Variants in CLEC9A observed in about 807,000 individuals in gnomAD.
CLEC9A encodes the protein C-type lectin domain containing 9A.
In CLEC9A, 24 loss-of-function variants were observed where a neutral mutation model predicts 30.0. That is an observed-to-expected ratio of 0.80 (90% CI 0.58 to 1.13). The LOEUF (loss-of-function observed/expected upper bound fraction) is 1.13. Among genes scored for constraint, CLEC9A ranks in the 50% most tolerant of loss-of-function variants. CLEC9A has a pLI of 0.00. For missense variants in CLEC9A, 251 were observed against 280.9 expected, an observed-to-expected ratio of 0.89 and a Z score of 0.76; for synonymous variants, 111 against 96.8, an observed-to-expected ratio of 1.15 and a Z score of -0.86.
At chr12:10,044,223 A>G (rs1865825740) in intron 2 of CLEC9A, among the ~76,000 whole-genome samples, 1 of 152,168 alleles carries the variant, frequency 6.6e-6, no homozygotes, top group Non-Finnish European at 1.5e-5. Context: ...GTCACTTCCT[A>G]TGTGGTTTTC....
intron 2 of CLEC9A, among the ~76,000 whole-genome samples, chr12:10,045,985 C>T (rs947750696): frequency 6.6e-6 from 1 of 152,028 alleles, no homozygotes. Context: ...GGCAAAATAT[C>T]GAAGCTTAAA....
rs1866022544 is a variant in CLEC9A at position 10,064,203 on chromosome 12, A to C, written c.472-529A>C. On this transcript the variant is annotated intron_variant, in intron 7 of 8. Coordinates refer to ENST00000355819, the MANE Select transcript of CLEC9A (RefSeq NM_207345.4). ...CATGAGAAAATAATTTGTTAAGGAT[A>C]TGCAGTAAACCAAGAACATTTGAAG... is the stretch of plus-strand genomic sequence containing the variant. Among the ~76,000 whole-genome samples the C allele has an allele frequency of 2.6e-5, 4 of 152,206 alleles. No homozygotes were observed. In the South Asian group the frequency reaches 8.3e-4, roughly 31 times the overall value.
At chr12:10,064,557 C>G (rs1321106831) in intron 7 of CLEC9A, among the ~76,000 whole-genome samples, 175 bp from the exon 8 acceptor site, 1 of 152,104 alleles carries the variant, frequency 6.6e-6, no homozygotes, top group Non-Finnish European at 1.5e-5. Context: ...ATCCATACAG[C>G]AATCGAAAAT....
At chr12:10,042,046 G>A (rs1240462626) in intron 2 of CLEC9A, among the ~76,000 whole-genome samples, 1 of 152,158 alleles carries the variant, frequency 6.6e-6, no homozygotes, top group Non-Finnish European at 1.5e-5. Flanking sequence ...TAAAATCTCA[G>A]CTCTATTACA....
intron 6 of CLEC9A, among the ~76,000 whole-genome samples, chr12:10,061,849 T>G (rs1866001701): frequency 6.6e-6 from 1 of 152,258 alleles, no homozygotes; most frequent in Non-Finnish European, 1.5e-5. Flanking sequence ...CCATGTATTC[T>G]ATGCTTGGCA....
At chr12:10,054,140 C>A in intron 4 of CLEC9A, 131 bp from the exon 5 acceptor site, 1 of 726,434 alleles carries the variant, frequency 1.4e-6, no homozygotes, top group Non-Finnish European at 2.4e-6. Flanking sequence ...TTTACACATC[C>A]CAGGCCCCAA....
intron 2 of CLEC9A, among the ~76,000 whole-genome samples, chr12:10,051,585 T>G (rs1282455934): frequency 6.6e-6 from 1 of 152,198 alleles, no homozygotes; most frequent in Non-Finnish European, 1.5e-5. Context: ...TTTGTTTCCT[T>G]CTGGGGGCCT....
chr12:10,048,239 CA>C (rs34010283), intron 2 of CLEC9A, among the ~76,000 whole-genome samples: 132 of 130,666 alleles, frequency 1.0e-3, no homozygotes, highest in Admixed American at 1.1e-3. Flanking sequence ...GACTCCGTCT[CA>C]AAAAAAAAAA....
chr12:10,044,534 A>G (rs1434959171), intron 2 of CLEC9A, among the ~76,000 whole-genome samples: 1 of 152,054 alleles, frequency 6.6e-6, no homozygotes, highest in Non-Finnish European at 1.5e-5. Context: ...TTTTATCTCA[A>G]GACTTTTGCA....
chr12:10,043,360 A>G (rs1865814165), intron 2 of CLEC9A: 2 of 188,376 alleles, frequency 1.1e-5, no homozygotes, highest in South Asian at 8.6e-5. Flanking sequence ...AATACTAGAA[A>G]CTTATTCTTG....
chr12:10,064,691 G>T, intron 7 of CLEC9A, 41 bp from the exon 8 acceptor site: 3 of 1,561,866 alleles, frequency 1.9e-6, no homozygotes, highest in Admixed American at 2.0e-5. Context: ...AGTTTTGTTT[G>T]TTTGTTTTTC....
chr12:10,051,959 G>A (rs1865896338), intron 2 of CLEC9A, 32 bp from the exon 3 acceptor site: 8 of 152,224 alleles, frequency 5.3e-5, no homozygotes, highest in Admixed American at 5.2e-4. Flanking sequence ...AAGAGCAGGT[G>A]TGGATTCATC....
intron 1 of CLEC9A, among the ~76,000 whole-genome samples, chr12:10,036,870 T>A (rs985601074): frequency 6.6e-6 from 1 of 152,216 alleles, no homozygotes; most frequent in Non-Finnish European, 1.5e-5. Context: ...AAAATCAGGA[T>A]GATAATGCCC....
intron 1 of CLEC9A, among the ~76,000 whole-genome samples, chr12:10,033,646 A>C (rs1865719371): frequency 6.6e-6 from 1 of 152,224 alleles, no homozygotes; most frequent in Non-Finnish European, 1.5e-5. Context: ...AATATTGTTC[A>C]CCTTGGAAAA....
intron 4 of CLEC9A, 81 bp from the exon 5 acceptor site, chr12:10,054,190 A>T: frequency 9.2e-7 from 1 of 1,089,640 alleles, no homozygotes. Context: ...TCCTTCTTTT[A>T]CTCAATCTCA....
In CLEC9A at chr12:10,041,466, G is replaced by T. The variant is rs1828450471; in HGVS notation, c.-317G>T. ...ACATTCCTGTGCTTGGTTTCTCCAG[G>T]TGACTATAAACGCAGCCCCTGTGAT... On this transcript the variant is annotated splice_region_variant and 5_prime_UTR_variant, in exon 2 of 9. Transcript: ENST00000355819. The T allele has an allele frequency of 2.4e-6, 1 of 417,222 alleles. No homozygotes were observed. The highest frequency in any genetic ancestry group is 4.7e-6 in the Non-Finnish European group (1 of 213,398). The allele number at this position is 417,222 out of a possible 1,614,324, so 25.8% of individuals were successfully genotyped here. A position where few individuals can be genotyped will look rare whatever the true frequency, so the allele number is the denominator to read the frequency against.
At chr12:10,032,050 G>A (rs145410304) in intron 1 of CLEC9A, among the ~76,000 whole-genome samples, 61 of 152,222 alleles carry the variant, frequency 4.0e-4, no homozygotes, top group Admixed American at 1.3e-3. Flanking sequence ...AAACAACAAT[G>A]AGAAACCACT....
Position 10,059,491 on chromosome 12 carries a change from T to C in CLEC9A, c.173-1636T>C, listed in dbSNP as rs534354792. On this transcript the variant is annotated intron_variant, in intron 5 of 8. Coordinates refer to ENST00000355819, the MANE Select transcript of CLEC9A (RefSeq NM_207345.4). The stretch of plus-strand genomic sequence containing the variant: ...TTTCAGAAAACATAGGACAAAATCT[T>C]CAGAATCTAAAGGTAGGCAAATAAT... Among the ~76,000 whole-genome samples the C allele has an allele frequency of 2.6e-5, 4 of 152,316 alleles. No homozygotes were observed. The East Asian group carries it at 7.7e-4, about 29-fold the overall frequency.
intron 2 of CLEC9A, among the ~76,000 whole-genome samples, chr12:10,047,477 G>T (rs1199154172): frequency 6.6e-6 from 1 of 152,126 alleles, no homozygotes; most frequent in Non-Finnish European, 1.5e-5. Flanking sequence ...TAACACAAAT[G>T]TTAGTAGCAC....
Sources: allele counts gnomAD v4.1 joint callset (sites outside exome capture counted in the v4.1 genomes callset), GRCh38; gene constraint gnomAD v4.1.1; transcripts MANE v1.5; gene names NCBI Gene and HGNC (gene_info 2026-07-23, HGNC 2026-07-21).